Variants in RACGAP1 observed in about 807,000 individuals in gnomAD.
RACGAP1 encodes the protein Rac GTPase activating protein 1, also known as rac GTPase-activating protein 1.
A neutral mutation model predicts 78.1 loss-of-function variants in RACGAP1; 30 were observed. The ratio of observed to expected loss-of-function variants is 0.38; its 90% CI spans 0.29 to 0.52. The LOEUF is 0.52. Among genes scored for constraint, RACGAP1 ranks in the 20% least tolerant of loss-of-function variants. The pLI, the probability that RACGAP1 is intolerant of heterozygous loss-of-function variation, is 0.82. For synonymous variants in RACGAP1, 231 were observed against 264.8 expected (o/e 0.87, Z 1.24); for missense variants, 587 against 777.1 (o/e 0.76, Z 2.91).
chr12:49,996,668 A>AAAAAAAAAAAAAAAAAAAT (rs1948302735), intron 10 of RACGAP1, among the ~76,000 whole-genome samples: 3 of 129,286 alleles, frequency 2.3e-5, no homozygotes, highest in South Asian at 2.2e-4. Flanking sequence ...AAAAAAAAAA[A>AAAAAAAAAAAAAAAAAAAT]TGGACACAAG....
rs746281236 is a variant in RACGAP1 at position 50,006,417 on chromosome 12, C to T, written c.288+17G>A. 1.2e-5 allele frequency: 19 copies of T among 1,613,558 alleles called. No homozygotes were observed. The highest frequency in any genetic ancestry group is 1.6e-4 in the Middle Eastern group (1 of 6,078). On this transcript the variant is annotated intron_variant, in intron 3 of 16. Transcript: ENST00000312377. The stretch of plus-strand genomic sequence containing the variant: ...CTCCTGCATCATCACTGTTCTAGCA[C>T]GGAAAACAATACACACCAGCTTTTC...
intron 15 of RACGAP1, among the ~76,000 whole-genome samples, chr12:49,991,460 T>TATATATATAC (rs1385628211): frequency 2.7e-4 from 5 of 18,244 alleles, no homozygotes; most frequent in African/African-American, 4.7e-4. Flanking sequence ...TAAACTATTA[T>TATATATATAC]ATATATATAT....
chr12:50,025,227 G>T, intron 1 of RACGAP1, 171 bp downstream of exon 1: 1 of 885,194 alleles, frequency 1.1e-6, no homozygotes, highest in Non-Finnish European at 1.4e-6. Flanking sequence ...CATTCGACCT[G>T]CCACGACCCC....
At chr12:49,990,629 A>C (rs1020207439) in intron 16 of RACGAP1, 55 bp downstream of exon 16, 1 of 1,359,412 alleles carries the variant, frequency 7.4e-7, no homozygotes, top group South Asian at 1.2e-5. Flanking sequence ...CAATATAATA[A>C]GAAGTCTAAG....
intron 7 of RACGAP1, among the ~76,000 whole-genome samples, chr12:50,000,936 T>C (rs1948635633): frequency 6.6e-6 from 1 of 152,074 alleles, no homozygotes; most frequent in Non-Finnish European, 1.5e-5. Context: ...TAATCCCAGC[T>C]ACGTGGGAGG....
intron 16 of RACGAP1, 48 bp downstream of exon 16, chr12:49,990,636 T>C: frequency 7.0e-7 from 1 of 1,429,408 alleles, no homozygotes; most frequent in East Asian, 2.3e-5. Context: ...ATAAGAAGTC[T>C]AAGAAAGTAG....
chr12:49,993,050 T>C (rs1948002159), intron 12 of RACGAP1, among the ~76,000 whole-genome samples: 1 of 152,190 alleles, frequency 6.6e-6, no homozygotes, highest in Non-Finnish European at 1.5e-5. Context: ...CTACATTCTA[T>C]TGGTGGAGTC....
intron 8 of RACGAP1, 140 bp downstream of exon 8, chr12:49,999,476 G>C: frequency 1.0e-6 from 1 of 958,702 alleles, no homozygotes; most frequent in Non-Finnish European, 1.6e-6. Context: ...GACACAAGCA[G>C]TTCTCTGGTC....
chr12:50,009,904 C>T (rs976399492), intron 2 of RACGAP1, among the ~76,000 whole-genome samples: 2 of 152,204 alleles, frequency 1.3e-5, no homozygotes, highest in Non-Finnish European at 2.9e-5. Flanking sequence ...GTTTGCTACA[C>T]ACTAAATTTT....
chr12:50,031,478 CAAAAAA>C (rs56229939), intron 2 of RACGAP1, among the ~76,000 whole-genome samples: 6,685 of 71,886 alleles, frequency 0.093, 631 homozygotes, highest in African/African-American at 0.3. Context: ...GACTCCATCT[CAAAAAA>C]AAAAAAAAAA....
intron 7 of RACGAP1, among the ~76,000 whole-genome samples, chr12:50,000,052 C>T (rs376537552): frequency 3.3e-5 from 3 of 92,002 alleles, no homozygotes; most frequent in African/African-American, 7.4e-5. Flanking sequence ...CTCGCTGTGT[C>T]GCCCACGCTG....
In RACGAP1 at chr12:50,004,293, A is replaced by G; in HGVS notation, c.437T>C (p.Ile146Thr). 1 of 1,604,910 alleles carries G rather than the reference A, an allele frequency of 6.2e-7. No homozygotes were observed. Among genetic ancestry groups the G allele is most frequent in the Non-Finnish European group, 8.5e-7 (1 of 1,172,662 alleles). Reference protein sequence around the residue: ...SNAGNKRLSTIDESGSILSDI... With the variant: ...SNAGNKRLSTTDESGSILSDI... ...TGATAAAATGGAACCAGATTCATCA[A>G]TGGTTGATAGTCTAGATCAGTGAAA... Residue 146 changes from isoleucine to threonine, a missense_variant, in exon 5 of 17, where the codon ATT (isoleucine) becomes ACT (threonine). Ile to Thr is a moderately conservative substitution (Grantham distance 89). Coordinates refer to ENST00000312377, the MANE Select transcript of RACGAP1 (RefSeq NM_001319999.2).
intron 9 of RACGAP1, among the ~76,000 whole-genome samples, chr12:49,998,842 G>A (rs1237413563): frequency 6.6e-6 from 1 of 151,882 alleles, no homozygotes; most frequent in African/African-American, 2.4e-5. Flanking sequence ...AGGCTACAGT[G>A]AGCTATGATT....
At chr12:50,018,428 TAA>T in intron 1 of RACGAP1, 1 of 816,144 alleles carries the variant, frequency 1.2e-6, no homozygotes, top group Non-Finnish European at 1.8e-6. Context: ...AGAACAAAAC[TAA>T]AAGGATAGCA....
At chr12:49,996,852 G>A (rs1284109611) in intron 10 of RACGAP1, among the ~76,000 whole-genome samples, 188 bp downstream of exon 10, 2 of 151,860 alleles carry the variant, frequency 1.3e-5, no homozygotes, top group Non-Finnish European at 2.9e-5. Context: ...AAGAAGTTTG[G>A]TTTAGAAAGG....
chr12:49,991,684 T>A (rs1947891400), intron 15 of RACGAP1, among the ~76,000 whole-genome samples: 1 of 150,824 alleles, frequency 6.6e-6, no homozygotes, highest in Admixed American at 6.6e-5. Context: ...AGATGGGGTT[T>A]CACCATGTTG....
chr12:50,000,058 C>T (rs7135014), intron 7 of RACGAP1, among the ~76,000 whole-genome samples: 10,381 of 141,620 alleles, frequency 0.073, 1,304 homozygotes, highest in African/African-American at 0.26. Context: ...GTGTCGCCCA[C>T]GCTGGAGTAC....
intron 15 of RACGAP1, among the ~76,000 whole-genome samples, chr12:49,991,479 A>ATATATATATATATATATATTTTTTT (rs1555169074): frequency 4.2e-5 from 1 of 24,090 alleles, no homozygotes; most frequent in African/African-American, 1.4e-4. Flanking sequence ...ATATATATAT[A>ATATATATATATATATATATTTTTTT]TTTTTTTTTT....
chr12:50,000,934 G>C (rs902328324), intron 7 of RACGAP1, among the ~76,000 whole-genome samples: 2 of 152,216 alleles, frequency 1.3e-5, no homozygotes, highest in Non-Finnish European at 2.9e-5. Context: ...TGTAATCCCA[G>C]CTACGTGGGA....
Sources: allele counts gnomAD v4.1 joint callset (sites outside exome capture counted in the v4.1 genomes callset), GRCh38; gene constraint gnomAD v4.1.1; transcripts MANE v1.5; gene names NCBI Gene and HGNC (gene_info 2026-07-23, HGNC 2026-07-21).